The following DPP10 variants were observed in gnomAD, a reference collection of about 807,000 sequenced individuals.
The protein encoded by DPP10 is inactive dipeptidyl peptidase 10.
Under a neutral mutation model 120.9 loss-of-function variants are expected in DPP10, and 33 were observed. The observed-to-expected ratio is 0.27, with a 90% CI of 0.21 to 0.37. The LOEUF is 0.37. DPP10 is among the 10% of genes least tolerant of loss of function. The probability of loss-of-function intolerance (pLI) is 1.00; values close to 1 mark genes in which losing one functional copy is unlikely to be tolerated. For missense variants in DPP10, 816 were observed against 942.8 expected, an observed-to-expected ratio of 0.87 and a Z score of 1.76; for synonymous variants, 337 against 326.1, an observed-to-expected ratio of 1.03 and a Z score of -0.36.
intron 1 of DPP10, among the ~76,000 whole-genome samples, chr2:115,246,153 G>GT (rs765736507): frequency 1.8e-4 from 27 of 151,464 alleles, no homozygotes; most frequent in Non-Finnish European, 2.7e-4. Flanking sequence ...CTTTTTTGGG[G>GT]TAAAAAAAAA....
intron 1 of DPP10, among the ~76,000 whole-genome samples, chr2:115,200,074 C>T (rs928163356): frequency 3.3e-5 from 5 of 152,108 alleles, no homozygotes; most frequent in Admixed American, 2.0e-4. Context: ...TCTGTGCATC[C>T]GTTGTTGCAT....
In DPP10 at chr2:115,619,873, G is replaced by A. The variant is rs542525705; in HGVS notation, c.442-69814G>A. Among the ~76,000 whole-genome samples, 44 of 152,296 alleles carry A rather than the reference G, an allele frequency of 2.9e-4. 1 individual carries two copies. The South Asian group carries it at 9.1e-3, about 32-fold the overall frequency. ...GAGTTGCTTATTTGAGTAGATGAAC[G>A]AGTGATTTAAAAAATTTGGGAAGGA... On this transcript the variant is annotated intron_variant, in intron 5 of 25. Coordinates refer to ENST00000410059, the MANE Select transcript of DPP10 (RefSeq NM_020868.6).
intron 1 of DPP10, among the ~76,000 whole-genome samples, chr2:115,068,924 G>A (rs1397449779): frequency 6.6e-6 from 1 of 152,190 alleles, no homozygotes; most frequent in East Asian, 1.9e-4. Flanking sequence ...TGGGCTGTAT[G>A]TCTATTTTTA....
chr2:115,300,018 T>C (rs1416414484), intron 1 of DPP10, among the ~76,000 whole-genome samples: 1 of 152,058 alleles, frequency 6.6e-6, no homozygotes, highest in Non-Finnish European at 1.5e-5. Context: ...TTTGTGGTTT[T>C]CCCTCTTTGG....
chr2:115,634,665 TA>T, intron 5 of DPP10, among the ~76,000 whole-genome samples: 1 of 152,244 alleles, frequency 6.6e-6, no homozygotes, highest in Non-Finnish European at 1.5e-5. Flanking sequence ...CTGGCAACCC[TA>T]ATTGAGGGTT....
chr2:115,157,244 CAAA>C (rs569338436), intron 1 of DPP10, among the ~76,000 whole-genome samples: 9 of 101,492 alleles, frequency 8.9e-5, no homozygotes, highest in Admixed American at 1.0e-4. Context: ...TTAAATATAG[CAAA>C]AAAAAAAAAA....
At chr2:114,932,148 C>T (rs1001969106) in intron 1 of DPP10, among the ~76,000 whole-genome samples, 2 of 152,194 alleles carry the variant, frequency 1.3e-5, no homozygotes, top group African/African-American at 2.4e-5. Flanking sequence ...CAATTTTAGA[C>T]CTACTGAATT....
chr2:114,666,632 CAGAG>C (rs1327426465), intron 1 of DPP10, among the ~76,000 whole-genome samples: 3 of 152,160 alleles, frequency 2.0e-5, no homozygotes, highest in African/African-American at 4.8e-5. Context: ...AAGACTGAGA[CAGAG>C]AGACATAGAA....
rs530780874 is a variant in DPP10 at position 114,764,670 on chromosome 2, A to G, written c.60+321832A>G. Among the ~76,000 whole-genome samples the G allele has an allele frequency of 2.3e-4, 35 of 152,166 alleles. 3 individuals carry two copies. In the South Asian group the frequency reaches 7.0e-3, roughly 31 times the overall value. ...AAATATATAAAGAAGATAAATTTATAATATTTATTTTGGGTTAGAACACAA... is the reference window on the plus strand; with the variant it reads ...AAATATATAAAGAAGATAAATTTATGATATTTATTTTGGGTTAGAACACAA... On this transcript the variant is annotated intron_variant, in intron 1 of 25. Transcript: ENST00000410059.
In DPP10 at chr2:115,171,368, AAAAAAAG is replaced by A. The variant is rs1201841400; in HGVS notation, c.61-137866_61-137860del. On this transcript the variant is annotated intron_variant, in intron 1 of 25. Transcript: ENST00000410059. Reference sequence around the variant, plus strand: ...AGAGCGAGACTCCATCAAAAAAAAAAAAAAAAGAAAAGAAAAGAAAAGAAAAGAAAAA... The same window carrying A: ...AGAGCGAGACTCCATCAAAAAAAAAAAAAAGAAAAGAAAAGAAAAGAAAAA... 2.0e-3 allele frequency among the ~76,000 whole-genome samples: 303 copies of A among 151,726 alleles called. No individual in the cohort carries two copies. The East Asian group carries it at 0.03, about 15-fold the overall frequency.
chr2:115,660,655 C>CTTTTTTTTTTTTTTTTTTTTTTTATTT (rs2088854256), intron 5 of DPP10, among the ~76,000 whole-genome samples: 3 of 25,314 alleles, frequency 1.2e-4, no homozygotes, highest in Admixed American at 8.7e-4. Flanking sequence ...CTCTGTCTGG[C>CTTTTTTTTTTTTTTTTTTTTTTTATTT]TTTTTTTTTT....
At chr2:114,568,429 T>C (rs757720707) in intron 1 of DPP10, among the ~76,000 whole-genome samples, 6 of 152,220 alleles carry the variant, frequency 3.9e-5, no homozygotes, top group Non-Finnish European at 8.8e-5. Flanking sequence ...CTTTTTGTGA[T>C]GCTTGAACGA....
At chr2:114,646,514 T>C (rs1301701460) in intron 1 of DPP10, among the ~76,000 whole-genome samples, 2 of 152,170 alleles carry the variant, frequency 1.3e-5, no homozygotes, top group African/African-American at 4.8e-5. Flanking sequence ...TCCCAGTTCC[T>C]GCAATTCAGA....
intron 4 of DPP10, among the ~76,000 whole-genome samples, chr2:115,513,694 A>G (rs891026564): frequency 6.6e-6 from 1 of 152,034 alleles, no homozygotes; most frequent in African/African-American, 2.4e-5. Context: ...TGTAATTTTC[A>G]TACAAGTTAT....
At chr2:115,004,687 A>G (rs1463255906) in intron 1 of DPP10, among the ~76,000 whole-genome samples, 1 of 152,038 alleles carries the variant, frequency 6.6e-6, no homozygotes, top group Non-Finnish European at 1.5e-5. Context: ...GCACCATGAG[A>G]TTATATCCCG....
At chr2:114,842,340 G>A (rs1017279562) in intron 1 of DPP10, among the ~76,000 whole-genome samples, 2 of 152,124 alleles carry the variant, frequency 1.3e-5, no homozygotes, top group African/African-American at 4.8e-5. Flanking sequence ...GAGGACTGTA[G>A]TGGAACCACA....
chr2:115,015,882 C>T (rs1275621962), intron 1 of DPP10, among the ~76,000 whole-genome samples: 2 of 152,166 alleles, frequency 1.3e-5, no homozygotes, highest in Non-Finnish European at 2.9e-5. Context: ...ATTCCATGCT[C>T]ATGGATAGGA....
At chr2:115,493,667 G>GTTCATCATCA (rs1342537280) in intron 3 of DPP10, among the ~76,000 whole-genome samples, 2 of 152,122 alleles carry the variant, frequency 1.3e-5, no homozygotes, top group Non-Finnish European at 2.9e-5. Context: ...AAACCCTACT[G>GTTCATCATCA]TTCATCATCA....
At chr2:115,385,441 T>C (rs936779561) in intron 3 of DPP10, among the ~76,000 whole-genome samples, 1 of 151,884 alleles carries the variant, frequency 6.6e-6, no homozygotes, top group Admixed American at 6.6e-5. Context: ...CTGCAACCTC[T>C]GCCTCCTGGG....
Sources: allele counts gnomAD v4.1 joint callset (sites outside exome capture counted in the v4.1 genomes callset), GRCh38; gene constraint gnomAD v4.1.1; transcripts MANE v1.5; gene names NCBI Gene and HGNC (gene_info 2026-07-23, HGNC 2026-07-21).